FAM91A1: variants seen among roughly 807,000 people sequenced by gnomAD.
FAM91A1 encodes protein FAM91A1.
In FAM91A1, 41 loss-of-function variants were observed where a neutral mutation model predicts 113.5. That is an observed-to-expected ratio of 0.36 (90% CI 0.28 to 0.47). FAM91A1 has a LOEUF of 0.47. FAM91A1 is among the 20% of genes least tolerant of loss of function. The pLI is 1.00. For missense variants in FAM91A1, 696 were observed against 1,001.2 expected (o/e 0.70, Z 4.11); for synonymous variants, 307 against 347.9 (o/e 0.88, Z 1.31).
intron 21 of FAM91A1, 45 bp downstream of exon 21, chr8:123,808,421 A>G: frequency 6.6e-7 from 1 of 1,522,758 alleles, no homozygotes; most frequent in Non-Finnish European, 9.0e-7. Flanking sequence ...CTAATTTCTG[A>G]GGTTTAACTT....
chr8:123,771,721 T>A (rs1814843595), intron 1 of FAM91A1, among the ~76,000 whole-genome samples: 1 of 152,200 alleles, frequency 6.6e-6, no homozygotes, highest in African/African-American at 2.4e-5. Flanking sequence ...AGGGTCAATT[T>A]AAAAAATTTT....
rs1167890560 is a variant in FAM91A1, at chr8:123,808,577, T to C, written c.2137+201T>C. On this transcript the variant is annotated intron_variant, in intron 21 of 23. Transcript: ENST00000334705. ...TGACTTGAAAATAATCTTATTCCTG[T>C]GGTAAATGTTTTGATTCATTCTCTC... is the stretch of plus-strand genomic sequence containing the variant. Among the ~76,000 whole-genome samples, 3 of 152,316 alleles carry C rather than the reference T, an allele frequency of 2.0e-5. No homozygotes were observed. The South Asian group carries it at 6.2e-4, about 32-fold the overall frequency.
At position 123,778,011 on chromosome 8, in the gene FAM91A1, ACT is replaced by A. The variant is rs1563636948; in HGVS notation, c.368-11_368-10del. 1.9e-6 allele frequency: 3 copies of A among 1,606,878 alleles called. No homozygotes were observed. The highest frequency in any genetic ancestry group is 3.4e-5 in the Admixed American group (2 of 59,628). ...TATGTTAAATGTTTTTAAAGGAAAG[ACT>A]CTTTTTTTCAGGTCTAAGGCTTCTT... On this transcript the variant is annotated splice_polypyrimidine_tract_variant and intron_variant, in intron 4 of 23. Transcript: ENST00000334705.
chr8:123,779,177 G>A (rs1278415095), intron 6 of FAM91A1, among the ~76,000 whole-genome samples: 3 of 152,122 alleles, frequency 2.0e-5, no homozygotes, highest in Non-Finnish European at 4.4e-5. Context: ...TGTATTATTT[G>A]TACCCCCATT....
chr8:123,806,294 T>C (rs1312323723), intron 20 of FAM91A1, 65 bp downstream of exon 20: 15 of 1,483,314 alleles, frequency 1.0e-5, no homozygotes, highest in South Asian at 6.9e-5. Context: ...AGTGTTAATA[T>C]ATGAAAAGCA....
chr8:123,775,384 C>A, intron 3 of FAM91A1, 86 bp downstream of exon 3: 2 of 1,495,746 alleles, frequency 1.3e-6, no homozygotes, highest in Non-Finnish European at 1.8e-6. Context: ...AGCTCTTCAG[C>A]TGTCGTCTGC....
chr8:123,768,848 G>T, intron 1 of FAM91A1, 74 bp downstream of exon 1: 1 of 1,485,356 alleles, frequency 6.7e-7, no homozygotes, highest in South Asian at 1.2e-5. Flanking sequence ...CCTCGCTCGC[G>T]GGGCCCGAGC....
rs550483966 is a variant in FAM91A1, at chr8:123,814,649, T to A, written c.*1945T>A. 354 of 152,944 alleles carry A rather than the reference T, an allele frequency of 2.3e-3. 4 individuals are homozygous for A. Among genetic ancestry groups the A allele is most frequent in the Non-Finnish European group, 8.5e-4 (58 of 68,196 alleles). 9.5% of individuals were successfully genotyped at this position (152,944 alleles called of 1,614,324 possible). On this transcript the variant is annotated 3_prime_UTR_variant, in exon 24 of 24. Transcript: ENST00000334705. ...CCATGGGGTCCCCTCTGGTTTCTTGTGTTGAATGAGGCAAGGGTAATCATC... is the reference window on the plus strand; with the variant it reads ...CCATGGGGTCCCCTCTGGTTTCTTGAGTTGAATGAGGCAAGGGTAATCATC...
At chr8:123,777,396 G>A (rs1238952448) in intron 4 of FAM91A1, 74 bp downstream of exon 4, 2 of 1,350,128 alleles carry the variant, frequency 1.5e-6, no homozygotes, top group South Asian at 1.3e-5. Context: ...TGTGAATATT[G>A]TCATGTGTGT....
At chr8:123,798,989 A>T (rs893174119) in intron 16 of FAM91A1, among the ~76,000 whole-genome samples, 1 of 152,200 alleles carries the variant, frequency 6.6e-6, no homozygotes, top group Admixed American at 6.5e-5. Context: ...AACCTCTCCT[A>T]TTCTTTAACA....
In FAM91A1 at chr8:123,785,132, T is replaced by C; in HGVS notation, c.849+13T>C. 1 of 1,582,476 alleles carries C rather than the reference T, an allele frequency of 6.3e-7. No individual in the cohort carries two copies. Among genetic ancestry groups the C allele is most frequent in the Non-Finnish European group, 8.6e-7 (1 of 1,165,762 alleles). On this transcript the variant is annotated intron_variant, in intron 10 of 23. Coordinates refer to ENST00000334705, the MANE Select transcript of FAM91A1 (RefSeq NM_144963.4). ...ATCCCTGGTTAAGGTATGTTATTTTTATACTCATTTACTGGTGATGTGATA... is the reference window on the plus strand; with the variant it reads ...ATCCCTGGTTAAGGTATGTTATTTTCATACTCATTTACTGGTGATGTGATA...
intron 15 of FAM91A1, among the ~76,000 whole-genome samples, chr8:123,796,841 A>T (rs1815533472): frequency 5.3e-5 from 8 of 150,914 alleles, no homozygotes; most frequent in Admixed American, 1.3e-4. Context: ...AGGTGGGCAG[A>T]TAACGAGGTC....
At chr8:123,787,587 A>T in intron 13 of FAM91A1, 77 bp from the exon 14 acceptor site, 3 of 1,216,942 alleles carry the variant, frequency 2.5e-6, no homozygotes, top group Non-Finnish European at 2.3e-6. Context: ...ATTTGAAAGG[A>T]TAATATAAAT....
At chr8:123,788,975 T>C (rs1815320464) in intron 14 of FAM91A1, among the ~76,000 whole-genome samples, 1 of 152,210 alleles carries the variant, frequency 6.6e-6, no homozygotes, top group Admixed American at 6.5e-5. Context: ...TTCCATTTTC[T>C]GTGTTGTTTC....
intron 3 of FAM91A1, among the ~76,000 whole-genome samples, chr8:123,776,126 T>A (rs545666900): frequency 8.5e-5 from 13 of 152,210 alleles, no homozygotes; most frequent in African/African-American, 2.7e-4. Context: ...ATTATTAACT[T>A]TTAGTTGTTA....
chr8:123,810,012 A>T (rs1586398534), intron 22 of FAM91A1, among the ~76,000 whole-genome samples: 1 of 152,190 alleles, frequency 6.6e-6, no homozygotes, highest in South Asian at 2.1e-4. Flanking sequence ...ATTTATGTTT[A>T]TAGTAGTTGA....
chr8:123,783,670 C>T (rs911353066), intron 8 of FAM91A1, among the ~76,000 whole-genome samples: 1 of 152,196 alleles, frequency 6.6e-6, no homozygotes, highest in South Asian at 2.1e-4. Context: ...TCCTCCTTCT[C>T]AGGATATTTT....
chr8:123,770,785 T>G (rs1814819324), intron 1 of FAM91A1, among the ~76,000 whole-genome samples: 2 of 152,226 alleles, frequency 1.3e-5, no homozygotes, highest in African/African-American at 4.8e-5. Flanking sequence ...AATGTGAAAT[T>G]AAGTATGTTT....
At chr8:123,780,598 AT>A in intron 8 of FAM91A1, 56 bp downstream of exon 8, 1 of 1,356,808 alleles carries the variant, frequency 7.4e-7, no homozygotes. Context: ...GGTGCTAAGC[AT>A]TGCATATCAT....
Sources: allele counts gnomAD v4.1 joint callset (sites outside exome capture counted in the v4.1 genomes callset), GRCh38; gene constraint gnomAD v4.1.1; transcripts MANE v1.5; gene names NCBI Gene and HGNC (gene_info 2026-07-23, HGNC 2026-07-21).